Variants in WWOX observed in about 807,000 individuals in gnomAD.
WWOX encodes the protein WW domain containing oxidoreductase.
Under a neutral mutation model 46.2 loss-of-function variants are expected in WWOX, and 69 were observed. That is an observed-to-expected ratio of 1.49 (90% CI 1.23 to 1.82). The LOEUF is 1.82. Among genes scored for constraint, WWOX ranks in the 40% most tolerant of loss-of-function variants. The pLI, the probability that WWOX is intolerant of heterozygous loss-of-function variation, is 0.00. For synonymous variants in WWOX, 359 were observed against 202.6 expected, an observed-to-expected ratio of 1.77 and a Z score of -6.56; for missense variants, 919 against 542.6, an observed-to-expected ratio of 1.69 and a Z score of -6.89.
intron 8 of WWOX, among the ~76,000 whole-genome samples, chr16:78,811,424 C>T (rs142838114): frequency 6.6e-6 from 1 of 152,038 alleles, no homozygotes; most frequent in African/African-American, 2.4e-5. Flanking sequence ...TTCTTCATCT[C>T]CCTCTTCCTC....
chr16:78,421,044 T>A (rs1014515132), intron 6 of WWOX, among the ~76,000 whole-genome samples: 2 of 152,190 alleles, frequency 1.3e-5, no homozygotes, highest in Admixed American at 6.5e-5. Context: ...CTAGTTCATA[T>A]GTAATTTTAT....
intron 8 of WWOX, among the ~76,000 whole-genome samples, chr16:78,970,059 G>A (rs1435708474): frequency 6.6e-6 from 1 of 152,166 alleles, no homozygotes; most frequent in African/African-American, 2.4e-5. Context: ...TGGGATTCAA[G>A]TAGTCTAACG....
At chr16:78,816,261 C>T (rs890923731) in intron 8 of WWOX, among the ~76,000 whole-genome samples, 3 of 152,176 alleles carry the variant, frequency 2.0e-5, no homozygotes, top group Admixed American at 2.0e-4. Flanking sequence ...GCACCCTTTT[C>T]TTTTCTAGCA....
intron 8 of WWOX, among the ~76,000 whole-genome samples, chr16:78,697,843 CA>C (rs2048133572): frequency 6.6e-6 from 1 of 152,090 alleles, no homozygotes; most frequent in African/African-American, 2.4e-5. Flanking sequence ...TTGGTCCTGA[CA>C]ATACCCCATG....
chr16:78,412,427 G>C (rs375042542), intron 6 of WWOX, among the ~76,000 whole-genome samples: 1 of 152,170 alleles, frequency 6.6e-6, no homozygotes, highest in Non-Finnish European at 1.5e-5. Flanking sequence ...CTAGAGCTAA[G>C]GGTTTGAAGT....
intron 8 of WWOX, among the ~76,000 whole-genome samples, chr16:78,722,989 C>T (rs1232821542): frequency 6.6e-6 from 1 of 152,028 alleles, no homozygotes; most frequent in South Asian, 2.1e-4. Flanking sequence ...CTGCAGTGAG[C>T]CATGATCACA....
chr16:78,412,552 T>G (rs1359496660), intron 6 of WWOX, among the ~76,000 whole-genome samples: 1 of 152,012 alleles, frequency 6.6e-6, no homozygotes, highest in African/African-American at 2.4e-5. Context: ...GAGGAAGGGT[T>G]GGAGGAGACA....
In WWOX at chr16:78,899,009, A is replaced by T. The variant is rs2044764166; in HGVS notation, c.1057-312599A>T. The T allele has an allele frequency of 2.6e-5, 4 of 152,260 alleles. No homozygotes were observed. The South Asian group carries it at 8.3e-4, about 32-fold the overall frequency. 9.4% of individuals were successfully genotyped at this position (152,260 alleles called of 1,614,324 possible). ...TTATTCACCTTTTCCTTTTTGTTAAATAGATTCTGTAGAATTCTCTACATC... is the reference window on the plus strand; with the variant it reads ...TTATTCACCTTTTCCTTTTTGTTAATTAGATTCTGTAGAATTCTCTACATC... On this transcript the variant is annotated intron_variant, in intron 8 of 8. Transcript: ENST00000566780.
intron 8 of WWOX, among the ~76,000 whole-genome samples, chr16:78,610,980 C>G (rs1456953656): frequency 2.0e-5 from 3 of 151,980 alleles, no homozygotes; most frequent in Admixed American, 6.6e-5. Context: ...ACAACAAAAA[C>G]AACAACAACA....
chr16:78,745,152 C>T (rs372188898), intron 8 of WWOX, among the ~76,000 whole-genome samples: 1 of 152,210 alleles, frequency 6.6e-6, no homozygotes, highest in African/African-American at 2.4e-5. Flanking sequence ...GAACATGCCT[C>T]TGTCTGTGAA....
chr16:78,908,628 C>G (rs1209371417), intron 8 of WWOX, among the ~76,000 whole-genome samples: 1 of 151,716 alleles, frequency 6.6e-6, no homozygotes, highest in Non-Finnish European at 1.5e-5. Flanking sequence ...TCCCCCAAAA[C>G]TCAGGGATAG....
chr16:78,206,517 C>G (rs962605256), intron 5 of WWOX, among the ~76,000 whole-genome samples: 3 of 152,154 alleles, frequency 2.0e-5, no homozygotes, highest in Non-Finnish European at 4.4e-5. Flanking sequence ...GCTGATGCTG[C>G]TCTACTACCT....
At chr16:78,249,635 T>C (rs2037926312) in intron 5 of WWOX, among the ~76,000 whole-genome samples, 1 of 152,156 alleles carries the variant, frequency 6.6e-6, no homozygotes, top group African/African-American at 2.4e-5. Flanking sequence ...TACCCAACAG[T>C]GCAAGTGGGG....
chr16:78,957,622 TAGATTCTATCTCTAAAAACTAC>T (rs1335447564), intron 8 of WWOX, among the ~76,000 whole-genome samples: 1 of 152,238 alleles, frequency 6.6e-6, no homozygotes, highest in Non-Finnish European at 1.5e-5. Flanking sequence ...TCTCTTCGGA[TAGATTCTATCTCTAAAAACTAC>T]AGATTCTATC....
intron 8 of WWOX, among the ~76,000 whole-genome samples, chr16:78,839,399 T>C (rs2052078357): frequency 6.6e-6 from 1 of 152,124 alleles, no homozygotes; most frequent in Admixed American, 6.5e-5. Flanking sequence ...TGCTGAAACT[T>C]GTTGGTTTGG....
At chr16:78,853,208 A>G (rs534635093) in intron 8 of WWOX, among the ~76,000 whole-genome samples, 105 of 152,200 alleles carry the variant, frequency 6.9e-4, no homozygotes, top group African/African-American at 2.4e-3. Flanking sequence ...AGCAGGTATA[A>G]TTATTATTAT....
chr16:78,646,239 C>T (rs575160021), intron 8 of WWOX, among the ~76,000 whole-genome samples: 3 of 152,026 alleles, frequency 2.0e-5, no homozygotes, highest in Non-Finnish European at 2.9e-5. Context: ...AGGCTGATCT[C>T]GGACTCCTGG....
intron 8 of WWOX, among the ~76,000 whole-genome samples, chr16:78,839,561 T>C (rs950467480): frequency 6.6e-6 from 1 of 152,224 alleles, no homozygotes. Flanking sequence ...TTGCAATAAA[T>C]ATTACTTATG....
chr16:78,371,708 T>C (rs1031053571), intron 5 of WWOX, among the ~76,000 whole-genome samples: 14 of 152,196 alleles, frequency 9.2e-5, no homozygotes, highest in African/African-American at 3.4e-4. Context: ...TTTTTTATTT[T>C]TATTTTGCCT....
Sources: allele counts gnomAD v4.1 joint callset (sites outside exome capture counted in the v4.1 genomes callset), GRCh38; gene constraint gnomAD v4.1.1; transcripts MANE v1.5; gene names NCBI Gene and HGNC (gene_info 2026-07-23, HGNC 2026-07-21).